Variants in PLN observed in about 807,000 individuals in gnomAD.
The protein encoded by PLN is cardiac phospholamban.
Under a neutral mutation model 3.9 loss-of-function variants are expected in PLN, and 1 was observed. That is an observed-to-expected ratio of 0.26 (90% confidence interval 0.09 to 1.23). The LOEUF (loss-of-function observed/expected upper bound fraction) is 1.23. Ranked by LOEUF, PLN falls within the 50% of genes most tolerant of loss-of-function variation. The probability of loss-of-function intolerance (pLI) is 0.48; values close to 1 mark genes in which losing one functional copy is unlikely to be tolerated. For missense variants in PLN, 59 were observed against 62.7 expected (o/e 0.94, Z 0.20); for synonymous variants, 21 against 20.5 (o/e 1.02, Z -0.07).
rs1322414081 is a variant in PLN at position 118,558,959 on chromosome 6, G to A, written c.38G>A (p.Arg13Lys). Residue 13 changes from arginine (R) to lysine (K), a missense_variant, in exon 2 of 2, where the codon AGA becomes AAA. Coordinates refer to ENST00000357525, the MANE Select transcript of PLN (RefSeq NM_002667.5). ...CAATACCTCACTCGCTCAGCTATAA[G>A]AAGAGCCTCAACCATTGAAATGCCT... The part of the protein sequence containing the change: ...KVQYLTRSAI[R>K]RASTIEMPQQ... The A allele has an allele frequency of 1.2e-6, 2 of 1,613,744 alleles. No homozygotes were observed. The highest frequency in any genetic ancestry group is 1.7e-6 in the Non-Finnish European group (2 of 1,179,684).
At chr6:118,555,093 T>C (rs1778774293) in intron 1 of PLN, among the ~76,000 whole-genome samples, 1 of 152,156 alleles carries the variant, frequency 6.6e-6, no homozygotes, top group Non-Finnish European at 1.5e-5. Context: ...CCAAGTCTAA[T>C]TATTATTCCT....
chr6:118,557,880 C>G (rs1364742553), intron 1 of PLN, among the ~76,000 whole-genome samples: 1 of 152,004 alleles, frequency 6.6e-6, no homozygotes, highest in African/African-American at 2.4e-5. Context: ...TTTCATTTCT[C>G]AAACATGATT....
chr6:118,554,429 G>A (rs1395514606), intron 1 of PLN, among the ~76,000 whole-genome samples: 3 of 152,194 alleles, frequency 2.0e-5, no homozygotes, highest in Non-Finnish European at 4.4e-5. Context: ...TTATAGATGT[G>A]AGCCACCATG....
Position 118,560,317 on chromosome 6 carries a change from A to G in PLN, c.*1237A>G, listed in dbSNP as rs1779149633. 1 of 167,078 alleles carries G rather than the reference A, an allele frequency of 6.0e-6. No individual in the cohort carries two copies. The highest frequency in any genetic ancestry group is 2.4e-5 in the African/African-American group (1 of 41,456). 10.3% of individuals were successfully genotyped at this position (167,078 alleles called of 1,614,324 possible). On this transcript the variant is annotated 3_prime_UTR_variant, in exon 2 of 2. Transcript: ENST00000357525. ...AACACATATTTTGCGTGTTATATGT[A>G]TTATACACTATATTCCTACAATAAA...
In PLN at chr6:118,560,586, G is replaced by C. The variant is rs932258978; in HGVS notation, c.*1506G>C. 7 of 166,960 alleles carry C rather than the reference G, an allele frequency of 4.2e-5. No individual in the cohort carries two copies. Among genetic ancestry groups the C allele is most frequent in the African/African-American group, 1.4e-4 (6 of 41,390 alleles). The allele number at this position is 166,960 out of a possible 1,614,324, so 10.3% of individuals were successfully genotyped here. A position where few individuals can be genotyped will look rare whatever the true frequency, so the allele number is the denominator to read the frequency against. On this transcript the variant is annotated 3_prime_UTR_variant, in exon 2 of 2. Transcript: ENST00000357525. Reference sequence around the variant, plus strand: ...GACCCTTGCAATTCAAGCCCTTGTTGTTCAAGGGTCAACTGTAATAGGATA... The same window carrying C: ...GACCCTTGCAATTCAAGCCCTTGTTCTTCAAGGGTCAACTGTAATAGGATA...
chr6:118,558,703 G>T, intron 1 of PLN, 122 bp from the exon 2 acceptor site: 7 of 529,178 alleles, frequency 1.3e-5, no homozygotes, highest in Non-Finnish European at 2.0e-5. Flanking sequence ...AGAGACTATA[G>T]AAACATGATG....
In PLN at chr6:118,561,223, G is replaced by A. The variant is rs1272452477; in HGVS notation, c.*2143G>A. 6.6e-6 allele frequency among the ~76,000 whole-genome samples: 1 copy of A among 152,086 alleles called. No homozygotes were observed. The highest frequency in any genetic ancestry group is 1.5e-5 in the Non-Finnish European group (1 of 68,012). ...CAAGTAGAAAGCTTATAAACAACAG[G>A]TGATACACTCACCTCACTGGTTTTA... is the stretch of plus-strand genomic sequence containing the variant. On this transcript the variant is annotated 3_prime_UTR_variant, in exon 2 of 2. Transcript: ENST00000357525.
chr6:118,551,486 G>T (rs183691820), intron 1 of PLN, among the ~76,000 whole-genome samples: 12 of 151,490 alleles, frequency 7.9e-5, no homozygotes, highest in African/African-American at 2.4e-4. Context: ...GGGTTAAGAA[G>T]AATATTTTAC....
Position 118,561,554 on chromosome 6 carries a change from A to T in PLN, c.*2474A>T, listed in dbSNP as rs1206825319. On this transcript the variant is annotated 3_prime_UTR_variant, in exon 2 of 2. Coordinates refer to ENST00000357525, the MANE Select transcript of PLN (RefSeq NM_002667.5). ...TAAAATTTAATATACTAAATGCTCA[A>T]ATATGTTCTACTATAGAATAAGTTC... is the stretch of plus-strand genomic sequence containing the variant. 6.6e-6 allele frequency among the ~76,000 whole-genome samples: 1 copy of T among 152,116 alleles called. No individual in the cohort carries two copies. Among genetic ancestry groups the T allele is most frequent in the East Asian group, 1.9e-4 (1 of 5,208 alleles).
At chr6:118,555,254 A>C (rs1217800423) in intron 1 of PLN, among the ~76,000 whole-genome samples, 2 of 151,820 alleles carry the variant, frequency 1.3e-5, no homozygotes, top group Non-Finnish European at 2.9e-5. Context: ...ACATGGTGAA[A>C]CCCCGTCTCT....
intron 1 of PLN, among the ~76,000 whole-genome samples, chr6:118,556,572 T>C (rs1370908085): frequency 6.6e-6 from 1 of 152,192 alleles, no homozygotes; most frequent in Non-Finnish European, 1.5e-5. Flanking sequence ...CAGCACTTCC[T>C]TCTGCTCCCT....
intron 1 of PLN, among the ~76,000 whole-genome samples, 177 bp downstream of exon 1, chr6:118,548,569 CAGGA>C (rs1778347215): frequency 6.6e-6 from 1 of 151,962 alleles, no homozygotes; most frequent in Non-Finnish European, 1.5e-5. Context: ...CATTTAGTGA[CAGGA>C]AAAATGAGAC....
chr6:118,561,225 G>A lies in PLN; in HGVS notation c.*2145G>A, dbSNP rs564273195. On this transcript the variant is annotated 3_prime_UTR_variant, in exon 2 of 2. Transcript: ENST00000357525. ...AGTAGAAAGCTTATAAACAACAGGT[G>A]ATACACTCACCTCACTGGTTTTAGT... Among the ~76,000 whole-genome samples, 1 of 152,244 alleles carries A rather than the reference G, an allele frequency of 6.6e-6. No individual in the cohort carries two copies.
chr6:118,559,009 A>T lies in PLN; in HGVS notation c.88A>T (p.Asn30Tyr). 1 of 1,609,928 alleles carries T rather than the reference A, an allele frequency of 6.2e-7. No individual in the cohort carries two copies. Among genetic ancestry groups the T allele is most frequent in the Non-Finnish European group, 8.5e-7 (1 of 1,176,212 alleles). The change falls in exon 2 of 2, where the codon AAT (asparagine) becomes TAT (tyrosine). Residue 30 changes from asparagine to tyrosine, a missense_variant. Transcript: ENST00000357525. Reference protein sequence around the residue: ...MPQQARQKLQNLFINFCLILI... With the variant: ...MPQQARQKLQYLFINFCLILI... ...TCAACAAGCACGTCAAAAGCTACAG[A>T]ATCTATTTATCAATTTCTGTCTCAT...
At chr6:118,550,085 G>T (rs1778452827) in intron 1 of PLN, among the ~76,000 whole-genome samples, 1 of 151,852 alleles carries the variant, frequency 6.6e-6, no homozygotes, top group African/African-American at 2.4e-5. Context: ...AAATATGAAA[G>T]ATGTTTAAAT....
Position 118,560,093 on chromosome 6 carries a change from T to C in PLN, c.*1013T>C, listed in dbSNP as rs905583911. 1 of 167,028 alleles carries C rather than the reference T, an allele frequency of 6.0e-6. No individual in the cohort carries two copies. The allele number at this position is 167,028 out of a possible 1,614,324, so 10.3% of individuals were successfully genotyped here. ...TATTATCTCAAGTATTTTTTAAAAA[T>C]ATATGAATTCTCTCTCCAAATATTA... On this transcript the variant is annotated 3_prime_UTR_variant, in exon 2 of 2. Transcript: ENST00000357525.
intron 1 of PLN, among the ~76,000 whole-genome samples, chr6:118,553,967 CTAGT>C (rs1399150047): frequency 2.0e-5 from 3 of 152,114 alleles, no homozygotes; most frequent in Non-Finnish European, 2.9e-5. Context: ...GTTATTAGAA[CTAGT>C]TAATCTGTCA....
rs76399616 is a variant in PLN at position 118,553,961 on chromosome 6, T to A, written c.-97-4864T>A. Reference sequence around the variant, plus strand: ...TACATGTCCAACTAACAAATTGTTATTAGAACTAGTTAATCTGTCAATCAC... The same window carrying A: ...TACATGTCCAACTAACAAATTGTTAATAGAACTAGTTAATCTGTCAATCAC... On this transcript the variant is annotated intron_variant, in intron 1 of 1. Coordinates refer to ENST00000357525, the MANE Select transcript of PLN (RefSeq NM_002667.5). 3.7e-3 allele frequency among the ~76,000 whole-genome samples: 565 copies of A among 152,312 alleles called. 3 individuals are homozygous for A. Among genetic ancestry groups the A allele is most frequent in the African/African-American group, 0.013 (539 of 41,572 alleles).
At chr6:118,548,579 G>A (rs1227232091) in intron 1 of PLN, among the ~76,000 whole-genome samples, 187 bp downstream of exon 1, 1 of 152,030 alleles carries the variant, frequency 6.6e-6, no homozygotes, top group Non-Finnish European at 1.5e-5. Context: ...CAGGAAAAAT[G>A]AGACAACTTT....
Sources: gnomAD v4.1 joint callset for allele counts (sites outside exome capture counted in the v4.1 genomes callset) on GRCh38, gnomAD v4.1.1 for gene constraint, MANE v1.5 for transcripts, NCBI Gene and HGNC (gene_info 2026-07-23, HGNC 2026-07-21) for gene names.